The following PDE4B variants were observed in gnomAD, a reference collection of about 807,000 sequenced individuals.
PDE4B encodes the protein 3',5'-cyclic-AMP phosphodiesterase 4B.
Under a neutral mutation model 82.2 loss-of-function variants are expected in PDE4B, and 20 were observed. The ratio of observed to expected loss-of-function variants is 0.24; its 90% confidence interval spans 0.17 to 0.35. PDE4B has a LOEUF of 0.35. Among genes scored for constraint, PDE4B ranks in the 10% least tolerant of loss-of-function variants. PDE4B has a pLI of 1.00. For synonymous variants in PDE4B, 320 were observed against 318.9 expected (o/e 1.00, Z -0.04); for missense variants, 655 against 907.2 (o/e 0.72, Z 3.57).
intron 1 of PDE4B, among the ~76,000 whole-genome samples, chr1:65,862,871 G>T (rs564614370): frequency 6.6e-6 from 1 of 152,190 alleles, no homozygotes; most frequent in Non-Finnish European, 1.5e-5. Context: ...ATGGTAGTTT[G>T]TATTTCTGAG....
chr1:65,996,776 T>G (rs1389688187), intron 3 of PDE4B, among the ~76,000 whole-genome samples: 1 of 152,190 alleles, frequency 6.6e-6, no homozygotes, highest in East Asian at 1.9e-4. Flanking sequence ...GTGGATACCA[T>G]ACTCTTTGTT....
At chr1:65,953,332 C>G (rs968838920) in intron 3 of PDE4B, among the ~76,000 whole-genome samples, 2 of 152,028 alleles carry the variant, frequency 1.3e-5, no homozygotes, top group Non-Finnish European at 1.5e-5. Flanking sequence ...TCCCAGGAAG[C>G]TGTGACTATG....
At chr1:66,081,807 ACTCT>A (rs72513051) in intron 3 of PDE4B, among the ~76,000 whole-genome samples, 53,559 of 139,864 alleles carry the variant, frequency 0.38, 10,302 homozygotes, top group Non-Finnish European at 0.43. Context: ...GAAAAGTAAA[ACTCT>A]CTCTCTCTCT....
intron 3 of PDE4B, among the ~76,000 whole-genome samples, chr1:66,019,553 A>G (rs1220367388): frequency 2.0e-5 from 3 of 151,942 alleles, no homozygotes; most frequent in Admixed American, 6.6e-5. Context: ...ACAGGGTTTC[A>G]CCATGTTGGG....
intron 7 of PDE4B, among the ~76,000 whole-genome samples, chr1:66,318,900 A>G (rs1261917565): frequency 6.6e-6 from 1 of 152,242 alleles, no homozygotes; most frequent in Non-Finnish European, 1.5e-5. Context: ...AGTAGCTACC[A>G]TATTGATAGC....
intron 7 of PDE4B, among the ~76,000 whole-genome samples, chr1:66,301,802 T>C (rs1319079992): frequency 1.3e-5 from 2 of 152,168 alleles, no homozygotes; most frequent in Non-Finnish European, 2.9e-5. Flanking sequence ...ATTCTACCCA[T>C]GCGAGTTATA....
At chr1:66,345,068 G>C (rs492040) in intron 8 of PDE4B, among the ~76,000 whole-genome samples, 2 of 152,078 alleles carry the variant, frequency 1.3e-5, no homozygotes. Context: ...CTGTGTTCTC[G>C]TATGACACTC....
intron 3 of PDE4B, among the ~76,000 whole-genome samples, chr1:66,237,370 T>G (rs1163171768): frequency 6.6e-6 from 1 of 152,226 alleles, no homozygotes; most frequent in Non-Finnish European, 1.5e-5. Context: ...CTTCCACGTC[T>G]CTACCTCCAC....
At position 66,332,422 on chromosome 1, in the gene PDE4B, C is replaced by T. The variant is rs151263754; in HGVS notation, c.635-86C>T. 1.5e-5 allele frequency: 25 copies of T among 1,613,986 alleles called. No individual in the cohort carries two copies. In the African/African-American group the frequency reaches 2.7e-4, roughly 17 times the overall value. ...AGCACGGGGGCACCTTCAGTAGCAC[C>T]GGAATCAGCGGTGGTAGCGGTGACT... On this transcript the variant is annotated intron_variant, in intron 7 of 16. Coordinates refer to ENST00000341517, the MANE Select transcript of PDE4B (RefSeq NM_002600.4).
chr1:65,813,564 G>A (rs1645844051), intron 1 of PDE4B, among the ~76,000 whole-genome samples: 1 of 152,104 alleles, frequency 6.6e-6, no homozygotes, highest in Admixed American at 6.6e-5. Flanking sequence ...TTCATTGTGG[G>A]CCCTGGAAAT....
intron 3 of PDE4B, among the ~76,000 whole-genome samples, chr1:65,995,056 C>T (rs1002941084): frequency 1.3e-5 from 2 of 152,026 alleles, no homozygotes; most frequent in African/African-American, 4.8e-5. Context: ...TGAGTTAAAA[C>T]AAAATGTTAC....
At chr1:66,329,658 T>C (rs1036657495) in intron 7 of PDE4B, among the ~76,000 whole-genome samples, 2 of 152,214 alleles carry the variant, frequency 1.3e-5, no homozygotes, top group African/African-American at 4.8e-5. Flanking sequence ...ATCTATCACC[T>C]ACTAAGAACT....
At chr1:66,249,829 G>A (rs1245532419) in intron 4 of PDE4B, among the ~76,000 whole-genome samples, 1 of 152,104 alleles carries the variant, frequency 6.6e-6, no homozygotes, top group East Asian at 1.9e-4. Flanking sequence ...ATAATAAAAA[G>A]CAGCCTTTCC....
rs770989803 is a variant in PDE4B, at chr1:66,247,583, C to T, written c.405C>T (p.Leu135=). ...ACAGCCAGCGCAGAGAGTCATTTCTCTACAGATCAGACAGCGACTATGACT... is the reference window on the plus strand; with the variant it reads ...ACAGCCAGCGCAGAGAGTCATTTCTTTACAGATCAGACAGCGACTATGACT... ...PGHSQRRESF[L]YRSDSDYDLS... Residue 135 remains leucine (L), a synonymous_variant, in exon 4 of 17, where the codon CTC becomes CTT. Transcript: ENST00000341517. 1 of 1,611,450 alleles carries T rather than the reference C, an allele frequency of 6.2e-7. No individual in the cohort carries two copies. Among genetic ancestry groups the T allele is most frequent in the Non-Finnish European group, 8.5e-7 (1 of 1,178,598 alleles).
chr1:66,006,046 A>G (rs1011716782), intron 3 of PDE4B, among the ~76,000 whole-genome samples: 2 of 152,206 alleles, frequency 1.3e-5, no homozygotes, highest in African/African-American at 2.4e-5. Context: ...GAAAGGAAAA[A>G]AAGTTTCTAA....
At chr1:65,884,825 A>G (rs146667392) in intron 1 of PDE4B, among the ~76,000 whole-genome samples, 2,049 of 152,312 alleles carry the variant, frequency 0.013, 60 homozygotes, top group African/African-American at 0.047. Flanking sequence ...CTAAAACACC[A>G]AAAGCAATGG....
At chr1:66,239,615 T>C (rs1405048730) in intron 3 of PDE4B, among the ~76,000 whole-genome samples, 1 of 152,182 alleles carries the variant, frequency 6.6e-6, no homozygotes. Flanking sequence ...GAAATAATGC[T>C]CCTATATTTA....
At chr1:66,186,351 G>GT (rs1394031043) in intron 3 of PDE4B, among the ~76,000 whole-genome samples, 9 of 152,120 alleles carry the variant, frequency 5.9e-5, no homozygotes, top group Non-Finnish European at 1.3e-4. Flanking sequence ...CTTTAAAGTA[G>GT]TTTTTTCCAA....
intron 3 of PDE4B, among the ~76,000 whole-genome samples, chr1:66,106,492 T>G (rs9436315): frequency 1 from 151,225 of 151,648 alleles, 75,403 homozygotes; most frequent in Middle Eastern, 1. Flanking sequence ...TCTACTGATT[T>G]GAATAGTTTC....
Sources: gnomAD v4.1 joint callset for allele counts (sites outside exome capture counted in the v4.1 genomes callset) on GRCh38, gnomAD v4.1.1 for gene constraint, MANE v1.5 for transcripts, NCBI Gene and HGNC (gene_info 2026-07-23, HGNC 2026-07-21) for gene names.